Variants in DCAF6 observed in about 807,000 individuals in gnomAD.
DCAF6 encodes DDB1 and CUL4 associated factor 6.
In DCAF6, 54 loss-of-function variants were observed where a neutral mutation model predicts 125.1. The observed-to-expected ratio is 0.43, with a 90% CI of 0.35 to 0.54. DCAF6 has a LOEUF of 0.54. DCAF6 is among the 20% of genes least tolerant of loss of function. DCAF6 has a pLI of 0.01. For missense variants in DCAF6, 934 were observed against 1,161.7 expected (o/e 0.80, Z 2.85); for synonymous variants, 371 against 390.4 (o/e 0.95, Z 0.58).
At chr1:167,922,748 C>G in the DCAF6 span, among the ~76,000 whole-genome samples, 4 of 152,174 alleles carry the variant, frequency 2.6e-5, no homozygotes, top group Non-Finnish European at 5.9e-5. Flanking sequence ...AATTCCAACT[C>G]TAACATTCTC....
the DCAF6 span, chr1:167,903,983 C>T: frequency 6.2e-7 from 1 of 1,611,400 alleles, no homozygotes; most frequent in Non-Finnish European, 8.5e-7. Flanking sequence ...TCAGTCATTG[C>T]AGTAAAACCT....
In DCAF6 at chr1:167,991,250, G is replaced by A; in HGVS notation, c.599G>A (p.Cys200Tyr). ...CGTGCTGCCACGTCTGTTGCTATTT[G>A]CCCACCAATACCATATTACCTTGCT... The part of the protein sequence containing the change: ...CRRAATSVAI[C>Y]PPIPYYLAVG... The change falls in exon 6 of 22, where the codon TGC (cysteine) becomes TAC (tyrosine). Residue 200 changes from cysteine (C) to tyrosine (Y), a missense_variant. Around this residue, in one of 5 missense-constraint regions of DCAF6, gnomAD observed 309 missense variants for 381.2 expected, o/e 0.81. Coordinates refer to ENST00000367840, the MANE Select transcript of DCAF6 (RefSeq NM_001198956.2). The A allele has an allele frequency of 6.2e-7, 1 of 1,612,770 alleles. No homozygotes were observed. Among genetic ancestry groups the A allele is most frequent in the Non-Finnish European group, 8.5e-7 (1 of 1,179,744 alleles).
the DCAF6 span, chr1:167,870,460 T>C: frequency 2.7e-6 from 4 of 1,484,048 alleles, no homozygotes; most frequent in South Asian, 1.2e-5. Flanking sequence ...CGTAAAATAG[T>C]CTAGAGATAT....
intron 3 of DCAF6, among the ~76,000 whole-genome samples, chr1:167,974,210 C>T (rs1677786282): frequency 6.6e-6 from 1 of 151,676 alleles, no homozygotes; most frequent in Admixed American, 6.6e-5. Context: ...GTACCTTGCC[C>T]ATTAAAAAAA....
At chr1:168,072,322 A>AAAAAAAAAAAAAAAAAAAG (rs1553253848) in intron 21 of DCAF6, among the ~76,000 whole-genome samples, 3 of 145,424 alleles carry the variant, frequency 2.1e-5, no homozygotes, top group African/African-American at 8.1e-5. Flanking sequence ...AAAAAAAAAA[A>AAAAAAAAAAAAAAAAAAAG]AAAGAAAAGA....
At chr1:167,993,032 C>G (rs1681091582) in intron 6 of DCAF6, among the ~76,000 whole-genome samples, 194 bp from the exon 7 acceptor site, 1 of 152,060 alleles carries the variant, frequency 6.6e-6, no homozygotes, top group African/African-American at 2.4e-5. Flanking sequence ...AGAGGTGTTA[C>G]CTTTATACCA....
chr1:168,055,245 TTGA>T (rs1690495774), intron 17 of DCAF6, among the ~76,000 whole-genome samples: 1 of 150,132 alleles, frequency 6.7e-6, no homozygotes, highest in Non-Finnish European at 1.5e-5. Flanking sequence ...AACTCTTCTA[TTGA>T]AGGAGATGGT....
chr1:168,074,223 C>G (rs1232567018), intron 21 of DCAF6, among the ~76,000 whole-genome samples: 10 of 151,732 alleles, frequency 6.6e-5, no homozygotes. Flanking sequence ...TGCTGTTGAC[C>G]TAGGATCCAG....
the DCAF6 span, among the ~76,000 whole-genome samples, chr1:167,926,624 TGCTGCTGCTGCC>T: frequency 1.3e-5 from 2 of 150,784 alleles, no homozygotes; most frequent in South Asian, 2.2e-4. Flanking sequence ...CTGCAGATGC[TGCTGCTGCTGCC>T]GCTGCTGCTG....
chr1:167,920,397 C>CAT, the DCAF6 span: 1 of 837,668 alleles, frequency 1.2e-6, no homozygotes, highest in African/African-American at 1.7e-5. Context: ...CTCCTCCATC[C>CAT]ATAACTTAAT....
chr1:168,020,558 A>C (rs79517104), intron 11 of DCAF6, among the ~76,000 whole-genome samples: 4,553 of 152,204 alleles, frequency 0.03, 196 homozygotes, highest in African/African-American at 0.1. Context: ...AACACTTCAA[A>C]TAAGCTGACC....
intron 2 of DCAF6, among the ~76,000 whole-genome samples, chr1:167,958,502 T>C (rs1675109909): frequency 6.6e-6 from 1 of 152,144 alleles, no homozygotes; most frequent in Non-Finnish European, 1.5e-5. Context: ...TTGATCTGTA[T>C]GTGTTTGTTT....
intron 8 of DCAF6, among the ~76,000 whole-genome samples, 176 bp downstream of exon 8, chr1:168,002,751 G>GAT (rs1682818997): frequency 6.6e-6 from 1 of 152,044 alleles, no homozygotes; most frequent in Admixed American, 6.6e-5. Context: ...GCAGTCACTG[G>GAT]ATAAGTACCT....
chr1:167,963,631 G>A (rs1467607223), intron 2 of DCAF6, among the ~76,000 whole-genome samples: 1 of 152,002 alleles, frequency 6.6e-6, no homozygotes, highest in Non-Finnish European at 1.5e-5. Context: ...GTTTCACCAT[G>A]TTGGCCAGGC....
intron 2 of DCAF6, among the ~76,000 whole-genome samples, chr1:167,955,958 A>G (rs1350791300): frequency 2.0e-5 from 3 of 152,136 alleles, no homozygotes; most frequent in Admixed American, 2.0e-4. Context: ...GTGGGGTCTC[A>G]TTATGTTGCC....
intron 1 of DCAF6, among the ~76,000 whole-genome samples, chr1:167,948,054 G>A (rs369196603): frequency 4.0e-5 from 6 of 151,130 alleles, no homozygotes; most frequent in East Asian, 1.9e-4. Flanking sequence ...CTCCAGTGTC[G>A]GGTGCAAATA....
the DCAF6 span, chr1:167,904,531 A>G: frequency 5.0e-4 from 161 of 325,092 alleles, no homozygotes; most frequent in African/African-American, 3.1e-3. Context: ...TCAACTGTAC[A>G]GTGATAACTG....
At position 167,942,152 on chromosome 1, in the gene DCAF6, G is replaced by C. The variant is rs542041073; in HGVS notation, c.97+5144G>C. Among the ~76,000 whole-genome samples the C allele has an allele frequency of 3.9e-5, 6 of 152,280 alleles. No homozygotes were observed. In the East Asian group the frequency reaches 1.2e-3, roughly 29 times the overall value. On this transcript the variant is annotated intron_variant, in intron 1 of 21. Coordinates refer to ENST00000367840, the MANE Select transcript of DCAF6 (RefSeq NM_001198956.2). ...ATGATCTTGGCTTACCGCAACCTCT[G>C]CCTGCTGGGTTCAAGAGATTCTCCT...
chr1:167,914,342 T>G, the DCAF6 span: 1 of 152,218 alleles, frequency 6.6e-6, no homozygotes, highest in African/African-American at 2.4e-5. Context: ...CAGAGTAGTT[T>G]ACACAATTCT....
Sources: gnomAD v4.1 joint callset for allele counts (sites outside exome capture counted in the v4.1 genomes callset) on GRCh38, gnomAD v4.1.1 for gene constraint, gnomAD v4.1.1 regional missense constraint, MANE v1.5 for transcripts, NCBI Gene and HGNC (gene_info 2026-07-23, HGNC 2026-07-21) for gene names.